CELSR1: variants seen among roughly 807,000 people sequenced by gnomAD.
CELSR1 encodes the protein adhesion G protein-coupled receptor C1.
A neutral mutation model predicts 249.1 loss-of-function variants in CELSR1; 110 were observed. That is an observed-to-expected ratio of 0.44 (90% CI 0.38 to 0.52). The LOEUF is 0.52. Ranked by LOEUF, CELSR1 falls within the 20% of genes least tolerant of loss-of-function variation. CELSR1 has a pLI of 0.00. For synonymous variants in CELSR1, 2,113 were observed against 1,900.0 expected (o/e 1.11, Z -2.92); for missense variants, 4,109 against 4,296.4 (o/e 0.96, Z 1.22).
At chr22:46,385,534 C>G (rs12160230) in intron 19 of CELSR1, among the ~76,000 whole-genome samples, 12 of 152,128 alleles carry the variant, frequency 7.9e-5, no homozygotes, top group African/African-American at 2.9e-4. Context: ...GGTTTGGAAG[C>G]CCTGCCGGAC....
rs117061509 is a variant in CELSR1 at position 46,391,566 on chromosome 22, C to G, written c.6148+67G>C. On this transcript the variant is annotated intron_variant, in intron 15 of 34. Transcript: ENST00000674500. The surrounding 1 kb of genome is among the most constrained non-coding windows in gnomAD (Gnocchi z 4.3). ...CAAACACCCAGCGTGCATGCACACA[C>G]GTGCACGCCAGTGCAGCAGCCTGTC... is the stretch of plus-strand genomic sequence containing the variant. 6.9e-7 allele frequency: 1 copy of G among 1,452,216 alleles called. No individual in the cohort carries two copies. Among genetic ancestry groups the G allele is most frequent in the East Asian group, 2.3e-5 (1 of 43,010 alleles). The allele number at this position is 1,452,216 out of a possible 1,614,324, so 90.0% of individuals were successfully genotyped here.
At chr22:46,385,044 G>A (rs899136893) in intron 19 of CELSR1, among the ~76,000 whole-genome samples, 7 of 152,060 alleles carry the variant, frequency 4.6e-5, no homozygotes, top group East Asian at 3.9e-4. Flanking sequence ...TGCATGCCCC[G>A]GCTTTCCAAA....
intron 1 of CELSR1, among the ~76,000 whole-genome samples, chr22:46,491,967 T>C (rs190526605): frequency 6.6e-6 from 1 of 152,278 alleles, no homozygotes; most frequent in East Asian, 1.9e-4. Flanking sequence ...TTCAGGTAAG[T>C]GATGTCTTTC....
In CELSR1 at chr22:46,433,374, G is replaced by T. The variant is rs1292853497; in HGVS notation, c.4611+19C>A. 8 of 1,605,132 alleles carry T rather than the reference G, an allele frequency of 5.0e-6. No individual in the cohort carries two copies. Among genetic ancestry groups the T allele is most frequent in the Admixed American group, 1.7e-5 (1 of 59,794 alleles). On this transcript the variant is annotated intron_variant, in intron 5 of 34. Transcript: ENST00000674500. The surrounding 1 kb of genome is among the most constrained non-coding windows in gnomAD (Gnocchi z 5.7). The stretch of plus-strand genomic sequence containing the variant: ...CGAGCCGCCCTGGGGCCAGGGGGAA[G>T]TGGTGGGGCCCATCTTACCTTGTTG...
chr22:46,417,956 AT>A lies in CELSR1; in HGVS notation c.4612-6198del, dbSNP rs1196022614. On this transcript the variant is annotated intron_variant, in intron 5 of 34. Coordinates refer to ENST00000674500, the MANE Select transcript of CELSR1 (RefSeq NM_001378328.1). This position sits in a 1 kb window ranked among gnomAD's most constrained non-coding sequence, Gnocchi z 4.1. ...CACCTCCTTAAAGCCAAGGGTCCAT[AT>A]CCTGCCCCTACTTGGGAAAGTCACA... Among the ~76,000 whole-genome samples the A allele has an allele frequency of 2.0e-5, 3 of 152,322 alleles. No individual in the cohort carries two copies. In the South Asian group the frequency reaches 6.2e-4, roughly 32 times the overall value.
chr22:46,464,364 T>G lies in CELSR1; in HGVS notation c.3545-19A>C. 6.3e-7 allele frequency: 1 copy of G among 1,598,350 alleles called. No individual in the cohort carries two copies. The highest frequency in any genetic ancestry group is 8.5e-7 in the Non-Finnish European group (1 of 1,171,912). On this transcript the variant is annotated intron_variant, in intron 1 of 34. Transcript: ENST00000674500. This position sits in a 1 kb window ranked among gnomAD's most constrained non-coding sequence, Gnocchi z 8.5. Reference sequence around the variant, plus strand: ...ATGCCATCTGCAGACACAAGGAAAGTCAGGGTCATTCAGATGCTGCGGGAG... The same window carrying G: ...ATGCCATCTGCAGACACAAGGAAAGGCAGGGTCATTCAGATGCTGCGGGAG...
In CELSR1 at chr22:46,384,634, C is replaced by T. The variant is rs200725732; in HGVS notation, c.6792G>A (p.Pro2264=). The change falls in exon 20 of 35, where the codon CCG becomes CCA. Residue 2264 remains proline, a synonymous_variant. Coordinates refer to ENST00000674500, the MANE Select transcript of CELSR1 (RefSeq NM_001378328.1). ...DKFNFTGARV[P]RFDTIHEEFP... is the part of the protein sequence containing the mutation. Reference sequence around the variant, plus strand: ...ACTCTTCATGGATGGTGTCGAATCGCGGGACCCTGGCTCCCGTAAAGTTGA... The same window carrying T: ...ACTCTTCATGGATGGTGTCGAATCGTGGGACCCTGGCTCCCGTAAAGTTGA... The T allele has an allele frequency of 1.1e-4, 175 of 1,613,660 alleles. No homozygotes were observed. The East Asian group carries it at 2.9e-3, about 27-fold the overall frequency.
At chr22:46,487,081 G>T in intron 1 of CELSR1, among the ~76,000 whole-genome samples, 1 of 148,012 alleles carries the variant, frequency 6.8e-6, no homozygotes. Context: ...CACACCCAAG[G>T]TCTCAAGAAC....
At chr22:46,420,643 T>C (rs2079459855) in intron 5 of CELSR1, among the ~76,000 whole-genome samples, 1 of 152,144 alleles carries the variant, frequency 6.6e-6, no homozygotes, top group Non-Finnish European at 1.5e-5. Flanking sequence ...TTGCACACAG[T>C]CTTGCACACT....
chr22:46,398,747 C>T lies in CELSR1; in HGVS notation c.5413-110G>A, dbSNP rs1461895474. 9 of 801,786 alleles carry T rather than the reference C, an allele frequency of 1.1e-5. No homozygotes were observed. Among genetic ancestry groups the T allele is most frequent in the East Asian group, 2.9e-5 (1 of 34,776 alleles). 49.7% of individuals were successfully genotyped at this position (801,786 alleles called of 1,614,324 possible). On this transcript the variant is annotated intron_variant, in intron 10 of 34. Transcript: ENST00000674500. This position sits in a 1 kb window ranked among gnomAD's most constrained non-coding sequence, Gnocchi z 7.2. ...TCTAAACAGTCACTTCAACAAACTC[C>T]GCAGAGCCTGAGGACATCTGGGCCT...
intron 3 of CELSR1, among the ~76,000 whole-genome samples, chr22:46,438,302 T>C (rs866829617): frequency 5.3e-5 from 8 of 151,582 alleles, no homozygotes; most frequent in African/African-American, 1.5e-4. Context: ...AAAGAGAAAC[T>C]AGAAAGAGGA....
In CELSR1 at chr22:46,427,703, C is replaced by T. The variant is rs1221175369; in HGVS notation, c.4611+5690G>A. 2.6e-5 allele frequency among the ~76,000 whole-genome samples: 4 copies of T among 152,056 alleles called. No homozygotes were observed. The highest frequency in any genetic ancestry group is 9.7e-5 in the African/African-American group (4 of 41,364). Reference sequence around the variant, plus strand: ...TATTCTATTAAATACCTTCCAAGTTCGTTTCTGTAAGTTGGATTCTGTGCG... The same window carrying T: ...TATTCTATTAAATACCTTCCAAGTTTGTTTCTGTAAGTTGGATTCTGTGCG... On this transcript the variant is annotated intron_variant, in intron 5 of 34. Transcript: ENST00000674500. This position sits in a 1 kb window ranked among gnomAD's most constrained non-coding sequence, Gnocchi z 4.2.
Position 46,440,056 on chromosome 22 carries a change from T to C in CELSR1, c.4184-645A>G, listed in dbSNP as rs901577523. On this transcript the variant is annotated intron_variant, in intron 2 of 34. Coordinates refer to ENST00000674500, the MANE Select transcript of CELSR1 (RefSeq NM_001378328.1). The surrounding 1 kb of genome is among the most constrained non-coding windows in gnomAD (Gnocchi z 4.7). ...GGGCAGGCACCACCCTACTCTGATGTCCTTCCTAGAGTTTAAACTCTTTTG... is the reference window on the plus strand; with the variant it reads ...GGGCAGGCACCACCCTACTCTGATGCCCTTCCTAGAGTTTAAACTCTTTTG... 6.6e-6 allele frequency among the ~76,000 whole-genome samples: 1 copy of C among 152,098 alleles called. No homozygotes were observed. Among genetic ancestry groups the C allele is most frequent in the Non-Finnish European group, 1.5e-5 (1 of 68,006 alleles).
At chr22:46,489,901 A>C (rs1328052777) in intron 1 of CELSR1, among the ~76,000 whole-genome samples, 1 of 151,388 alleles carries the variant, frequency 6.6e-6, no homozygotes, top group Non-Finnish European at 1.5e-5. Context: ...CTCAAAAAAA[A>C]AAAAGCCCAT....
In CELSR1 at chr22:46,428,196, C is replaced by T. The variant is rs368744880; in HGVS notation, c.4611+5197G>A. On this transcript the variant is annotated intron_variant, in intron 5 of 34. Transcript: ENST00000674500. This position sits in a 1 kb window ranked among gnomAD's most constrained non-coding sequence, Gnocchi z 5.7. ...ATGCTGTCTTTATAAAAGCACTTTCCGCAGCATGCCAAAGACAGCCCCGCG... is the reference window on the plus strand; with the variant it reads ...ATGCTGTCTTTATAAAAGCACTTTCTGCAGCATGCCAAAGACAGCCCCGCG... Among the ~76,000 whole-genome samples the T allele has an allele frequency of 1.8e-4, 28 of 152,304 alleles. No individual in the cohort carries two copies. The highest frequency in any genetic ancestry group is 4.6e-4 in the African/African-American group (19 of 41,560).
Position 46,533,776 on chromosome 22 carries a change from G to C in CELSR1, c.3395C>G (p.Pro1132Arg), listed in dbSNP as rs373644549. The C allele has an allele frequency of 1.2e-6, 2 of 1,613,528 alleles. No homozygotes were observed. Among genetic ancestry groups the C allele is most frequent in the African/African-American group, 1.3e-5 (1 of 74,954 alleles). Residue 1132 changes from proline to arginine, a missense_variant, in exon 1 of 35, where the codon CCC (proline) becomes CGC (arginine). Around this residue, in one of 7 missense-constraint regions of CELSR1, gnomAD observed 886 missense variants for 896.5 expected, o/e 0.99. Coordinates refer to ENST00000674500, the MANE Select transcript of CELSR1 (RefSeq NM_001378328.1). ...GVIGCIPAHD[P>R]DVSDSLNYTF... ...GTAGTTGAGGCTGTCTGACACGTCG[G>C]GGTCATGGGCCGGGATGCAGCCGAT...
rs866441078 is a variant in CELSR1, at chr22:46,364,071, G to A, written c.8960C>T (p.Pro2987Leu). 24 of 1,612,182 alleles carry A rather than the reference G, an allele frequency of 1.5e-5. No homozygotes were observed. The highest frequency in any genetic ancestry group is 8.0e-5 in the African/African-American group (6 of 74,902). ...CACCCCGTTGAGGTGGTCACGCCCC[G>A]GCTCCCTCCCAGGGCTCTTGACTGT... ...AITVKSPGREPGRDHLNGVAM... is the reference protein window; with the variant it reads ...AITVKSPGRELGRDHLNGVAM... The change falls in exon 34 of 35, where the codon CCG becomes CTG. Residue 2987 changes from proline (P) to leucine (L), a missense_variant. Transcript: ENST00000674500.
Position 46,413,138 on chromosome 22 carries a change from G to T in CELSR1, c.4612-1379C>A, listed in dbSNP as rs1293666000. Among the ~76,000 whole-genome samples, 1 of 152,224 alleles carries T rather than the reference G, an allele frequency of 6.6e-6. No individual in the cohort carries two copies. The highest frequency in any genetic ancestry group is 1.5e-5 in the Non-Finnish European group (1 of 68,040). On this transcript the variant is annotated intron_variant, in intron 5 of 34. Coordinates refer to ENST00000674500, the MANE Select transcript of CELSR1 (RefSeq NM_001378328.1). This position sits in a 1 kb window ranked among gnomAD's most constrained non-coding sequence, Gnocchi z 4.7. ...GGAAATAGATCGTTGTAAAAACGTA[G>T]AATTTAATTAAATCATCCTCAGTGC...
Position 46,396,776 on chromosome 22 carries a change from C to G in CELSR1, c.5702-30G>C, listed in dbSNP as rs1474293395. The G allele has an allele frequency of 1.9e-6, 3 of 1,605,568 alleles. No homozygotes were observed. The highest frequency in any genetic ancestry group is 2.6e-6 in the Non-Finnish European group (3 of 1,176,280). ...AAGGACAGAGCCAGCATTACCTCCA[C>G]CCACAATCCACGAGACCTTCCACGT... On this transcript the variant is annotated intron_variant, in intron 12 of 34. Transcript: ENST00000674500. This position sits in a 1 kb window ranked among gnomAD's most constrained non-coding sequence, Gnocchi z 6.4.
Sources: allele counts gnomAD v4.1 joint callset (sites outside exome capture counted in the v4.1 genomes callset), GRCh38; gene constraint gnomAD v4.1.1; regional missense constraint gnomAD v4.1.1; non-coding constraint Gnocchi (gnomAD v3.1); transcripts MANE v1.5; gene names NCBI Gene and HGNC (gene_info 2026-07-23, HGNC 2026-07-21).